PTPN4: variants seen among roughly 807,000 people sequenced by gnomAD.
PTPN4 encodes the protein protein tyrosine phosphatase non-receptor type 4.
In PTPN4, 49 loss-of-function variants were observed where a neutral mutation model predicts 135.5. The ratio of observed to expected loss-of-function variants is 0.36; its 90% confidence interval spans 0.29 to 0.46. The LOEUF (loss-of-function observed/expected upper bound fraction) is 0.46. PTPN4 is among the 20% of genes least tolerant of loss of function. The pLI, the probability that PTPN4 is intolerant of heterozygous loss-of-function variation, is 1.00. For synonymous variants in PTPN4, 333 were observed against 369.9 expected (o/e 0.90, Z 1.14); for missense variants, 860 against 1,101.0 (o/e 0.78, Z 3.10).
At chr2:119,829,527 T>G (rs55654325) in intron 2 of PTPN4, among the ~76,000 whole-genome samples, 40,857 of 152,118 alleles carry the variant, frequency 0.27, 5,564 homozygotes, top group South Asian at 0.33. Flanking sequence ...TTTGTTTCTC[T>G]ATGAATTTAC....
intron 1 of PTPN4, among the ~76,000 whole-genome samples, chr2:119,775,088 C>A: frequency 7.9e-6 from 1 of 127,236 alleles, no homozygotes; most frequent in South Asian, 2.5e-4. Flanking sequence ...ATGAAGGTGC[C>A]CTATTCTGAA....
rs765172241 is a variant in PTPN4, at chr2:119,809,934, T to G, written c.81T>G (p.Thr27=). Residue 27 remains threonine (T), a synonymous_variant, in exon 2 of 27, where the codon ACT becomes ACG. Transcript: ENST00000263708. ...AGTTGGCCCGAGACAGACAGCATACTGAAGTGGTTTGCAACATCCTTCTTC... is the reference window on the plus strand; with the variant it reads ...AGTTGGCCCGAGACAGACAGCATACGGAAGTGGTTTGCAACATCCTTCTTC... ...ASELARDRQH[T]EVVCNILLLD... is the part of the protein sequence containing the mutation. 6.2e-7 allele frequency: 1 copy of G among 1,613,752 alleles called. No individual in the cohort carries two copies. Among genetic ancestry groups the G allele is most frequent in the South Asian group, 1.1e-5 (1 of 91,064 alleles).
In PTPN4 at chr2:119,870,201, T is replaced by C. The variant is rs375127691; in HGVS notation, c.247-7122T>C. On this transcript the variant is annotated intron_variant, in intron 3 of 26. Coordinates refer to ENST00000263708, the MANE Select transcript of PTPN4 (RefSeq NM_002830.4). ...AACATCAGTACCTTTTTATATACCA[T>C]TTAGGAGACATACACCAAAAAATAG... Among the ~76,000 whole-genome samples the C allele has an allele frequency of 6.6e-4, 101 of 152,302 alleles. 2 individuals carry two copies. In the South Asian group the frequency reaches 0.02, roughly 30 times the overall value.
At chr2:119,792,075 C>T (rs1023270965) in intron 1 of PTPN4, among the ~76,000 whole-genome samples, 20 of 152,106 alleles carry the variant, frequency 1.3e-4, no homozygotes, top group Middle Eastern at 3.4e-3. Flanking sequence ...TCTGTCTGTT[C>T]GAATCTGCTG....
intron 1 of PTPN4, among the ~76,000 whole-genome samples, chr2:119,768,258 CCTTA>C (rs1371194493): frequency 6.6e-6 from 1 of 152,080 alleles, no homozygotes; most frequent in East Asian, 1.9e-4. Flanking sequence ...TGGTGTATTT[CCTTA>C]CTTTCTGGCC....
At chr2:119,950,792 T>C (rs958397049) in intron 18 of PTPN4, among the ~76,000 whole-genome samples, 1 of 152,224 alleles carries the variant, frequency 6.6e-6, no homozygotes, top group African/African-American at 2.4e-5. Context: ...CCTTAATCGC[T>C]GTTTGTCTTC....
rs1279457272 is a variant in PTPN4, at chr2:119,809,325, C to T, written c.-17-512C>T. On this transcript the variant is annotated intron_variant, in intron 1 of 26. Coordinates refer to ENST00000263708, the MANE Select transcript of PTPN4 (RefSeq NM_002830.4). Reference sequence around the variant, plus strand: ...TTTCTTAGGAATAATAACAATAATACTATTAGGTTGAATTTTGAGGATGGT... The same window carrying T: ...TTTCTTAGGAATAATAACAATAATATTATTAGGTTGAATTTTGAGGATGGT... 4.7e-5 allele frequency among the ~76,000 whole-genome samples: 7 copies of T among 150,350 alleles called. No individual in the cohort carries two copies. In the South Asian group the frequency reaches 6.3e-4, roughly 14 times the overall value.
chr2:119,799,319 A>T (rs967742036), intron 1 of PTPN4, among the ~76,000 whole-genome samples: 1 of 152,246 alleles, frequency 6.6e-6, no homozygotes, highest in Non-Finnish European at 1.5e-5. Context: ...TTAGTATTGG[A>T]AATATTTTAT....
At chr2:119,952,912 A>G (rs1038017100) in intron 19 of PTPN4, among the ~76,000 whole-genome samples, 1 of 152,184 alleles carries the variant, frequency 6.6e-6, no homozygotes, top group South Asian at 2.1e-4. Flanking sequence ...AGCTCAAACT[A>G]TAAATTGAAC....
intron 13 of PTPN4, among the ~76,000 whole-genome samples, chr2:119,927,038 A>G (rs1394896246): frequency 6.6e-6 from 1 of 151,288 alleles, no homozygotes; most frequent in Non-Finnish European, 1.5e-5. Context: ...ATGTTAAGAG[A>G]TAAGTTGTTT....
intron 3 of PTPN4, among the ~76,000 whole-genome samples, chr2:119,876,940 T>TGTGTGTGTGTGTGC (rs1182103102): frequency 2.0e-5 from 3 of 148,480 alleles, no homozygotes; most frequent in Non-Finnish European, 3.0e-5. Context: ...TGTGTGTGTG[T>TGTGTGTGTGTGTGC]GCGTGAAGGG....
chr2:119,910,343 A>C (rs1678553174), intron 10 of PTPN4, among the ~76,000 whole-genome samples: 1 of 152,132 alleles, frequency 6.6e-6, no homozygotes, highest in Admixed American at 6.6e-5. Flanking sequence ...GAAACCAAAA[A>C]ATAGTGTGAC....
intron 5 of PTPN4, among the ~76,000 whole-genome samples, chr2:119,879,092 GAAA>G (rs11433216): frequency 8.4e-6 from 1 of 119,666 alleles, no homozygotes. Flanking sequence ...GACTCCGTCT[GAAA>G]AAAAAAAAAA....
chr2:119,799,962 TTTC>T (rs1691331943), intron 1 of PTPN4, among the ~76,000 whole-genome samples: 1 of 152,210 alleles, frequency 6.6e-6, no homozygotes, highest in East Asian at 1.9e-4. Flanking sequence ...TATACAGATT[TTTC>T]TTCATTTTCT....
chr2:119,854,460 G>A (rs1404856765), intron 2 of PTPN4, among the ~76,000 whole-genome samples: 1 of 152,132 alleles, frequency 6.6e-6, no homozygotes, highest in Non-Finnish European at 1.5e-5. Flanking sequence ...CCCCTGAGGA[G>A]ATGTCACCTT....
At chr2:119,867,949 C>G (rs1677857069) in intron 3 of PTPN4, among the ~76,000 whole-genome samples, 1 of 152,162 alleles carries the variant, frequency 6.6e-6, no homozygotes, top group Non-Finnish European at 1.5e-5. Context: ...CCGAAGCCAG[C>G]AGGGCAAAGA....
rs550553460 is a variant in PTPN4 at position 119,765,438 on chromosome 2, C to G, written c.-18+5054C>G. Among the ~76,000 whole-genome samples the G allele has an allele frequency of 2.0e-5, 3 of 152,284 alleles. No homozygotes were observed. The East Asian group carries it at 5.8e-4, about 29-fold the overall frequency. On this transcript the variant is annotated intron_variant, in intron 1 of 26. Coordinates refer to ENST00000263708, the MANE Select transcript of PTPN4 (RefSeq NM_002830.4). ...ATGAATATTTCTGTGCCAGATCTCTCTCTTACAGAAGTACCTACAGTGGTT... is the reference window on the plus strand; with the variant it reads ...ATGAATATTTCTGTGCCAGATCTCTGTCTTACAGAAGTACCTACAGTGGTT...
intron 5 of PTPN4, among the ~76,000 whole-genome samples, chr2:119,878,973 G>C (rs1558752683): frequency 6.6e-6 from 1 of 151,492 alleles, no homozygotes; most frequent in African/African-American, 2.4e-5. Context: ...GGCGCCTGTA[G>C]TCCCAGCTAC....
At chr2:119,766,467 TGTG>T (rs1558718953) in intron 1 of PTPN4, among the ~76,000 whole-genome samples, 4 of 125,494 alleles carry the variant, frequency 3.2e-5, no homozygotes, top group Admixed American at 1.5e-4. Context: ...TGTGTGTGTG[TGTG>T]TGTGTGTGTG....
Sources: gnomAD v4.1 joint callset for allele counts (sites outside exome capture counted in the v4.1 genomes callset) on GRCh38, gnomAD v4.1.1 for gene constraint, MANE v1.5 for transcripts, NCBI Gene and HGNC (gene_info 2026-07-23, HGNC 2026-07-21) for gene names.